Variants in EFCAB7 observed in about 807,000 individuals in gnomAD.
EFCAB7 encodes the protein EF-hand calcium-binding domain-containing protein 7.
EFCAB7 carries 66 observed loss-of-function variants against 77.1 expected under a neutral mutation model. That is an observed-to-expected ratio of 0.86 (90% CI 0.70 to 1.05). The LOEUF is 1.05. Among genes scored for constraint, EFCAB7 ranks in the 50% least tolerant of loss-of-function variants. The pLI, the probability that EFCAB7 is intolerant of heterozygous loss-of-function variation, is 0.00. For synonymous variants in EFCAB7, 225 were observed against 243.3 expected, an observed-to-expected ratio of 0.92 and a Z score of 0.70; for missense variants, 638 against 730.5, an observed-to-expected ratio of 0.87 and a Z score of 1.46.
intron 2 of EFCAB7, among the ~76,000 whole-genome samples, chr1:63,528,472 G>A (rs1646635538): frequency 6.6e-6 from 1 of 151,868 alleles, no homozygotes; most frequent in Non-Finnish European, 1.5e-5. Context: ...ATAGAAAATA[G>A]AAAAATAGAA....
the EFCAB7 span, among the ~76,000 whole-genome samples, chr1:63,579,739 T>C: frequency 6.6e-6 from 1 of 152,202 alleles, no homozygotes; most frequent in Non-Finnish European, 1.5e-5. Context: ...TTTTAGCCAT[T>C]ATAATAGATG....
intron 13 of EFCAB7, 54 bp from the exon 14 acceptor site, chr1:63,572,388 C>T: frequency 3.4e-6 from 5 of 1,453,974 alleles, no homozygotes; most frequent in Non-Finnish European, 1.9e-6. Flanking sequence ...TAAAAATTAG[C>T]CAAAAGTAAC....
At chr1:63,546,902 T>C (rs1482227616) in intron 7 of EFCAB7, among the ~76,000 whole-genome samples, 1 of 152,222 alleles carries the variant, frequency 6.6e-6, no homozygotes, top group Admixed American at 6.5e-5. Flanking sequence ...AAAATGGTTA[T>C]GTAATTTTTA....
At chr1:63,560,962 T>TC (rs1379335365) in intron 10 of EFCAB7, among the ~76,000 whole-genome samples, 3 of 152,224 alleles carry the variant, frequency 2.0e-5, no homozygotes, top group Admixed American at 6.5e-5. Context: ...TAGATGGAAG[T>TC]TAGGAAATAA....
At chr1:63,527,902 AGAT>A (rs1317219574) in intron 2 of EFCAB7, 1 of 152,216 alleles carries the variant, frequency 6.6e-6, no homozygotes, top group Non-Finnish European at 1.5e-5. Context: ...ACTGAACAGA[AGAT>A]ATAATTTTCT....
chr1:63,551,702 T>G, intron 7 of EFCAB7, 23 bp from the exon 8 acceptor site: 1 of 1,343,882 alleles, frequency 7.4e-7, no homozygotes, highest in Non-Finnish European at 1.0e-6. Context: ...TTAAGGTGTT[T>G]GGGCTTTTTT....
At chr1:63,583,328 A>G in the EFCAB7 span, among the ~76,000 whole-genome samples, 1 of 152,208 alleles carries the variant, frequency 6.6e-6, no homozygotes, top group Non-Finnish European at 1.5e-5. Flanking sequence ...GGGAAAAGAT[A>G]AACACCAGCT....
chr1:63,559,847 C>T (rs1647074379), intron 10 of EFCAB7, among the ~76,000 whole-genome samples: 1 of 152,138 alleles, frequency 6.6e-6, no homozygotes, highest in Non-Finnish European at 1.5e-5. Flanking sequence ...TTATGTCGGT[C>T]TATTTCTGGG....
At position 63,545,945 on chromosome 1, in the gene EFCAB7, C is replaced by T; in HGVS notation, c.834C>T (p.Cys278=). Residue 278 remains cysteine, a synonymous_variant, in exon 7 of 14, where the codon TGC becomes TGT. Coordinates refer to ENST00000371088, the MANE Select transcript of EFCAB7 (RefSeq NM_032437.4). Reference sequence around the variant, plus strand: ...GGCAACACATGCAATCAAAAGGTTGCTTCTTCTTAGAAGAAGATGGTGAAA... The same window carrying T: ...GGCAACACATGCAATCAAAAGGTTGTTTCTTCTTAGAAGAAGATGGTGAAA... ...KDWQHMQSKG[C]FFLEEDGEII... is the part of the protein sequence containing the mutation. 6.2e-7 allele frequency: 1 copy of T among 1,613,744 alleles called. No individual in the cohort carries two copies. The highest frequency in any genetic ancestry group is 8.5e-7 in the Non-Finnish European group (1 of 1,179,888).
chr1:63,534,304 C>G (rs1357196306), intron 6 of EFCAB7, 88 bp downstream of exon 6: 1 of 1,150,860 alleles, frequency 8.7e-7, no homozygotes, highest in South Asian at 1.9e-5. Flanking sequence ...TACAGGGAAC[C>G]AGTAAAGTTT....
chr1:63,550,828 T>C (rs1167729145), intron 7 of EFCAB7, among the ~76,000 whole-genome samples: 4 of 151,576 alleles, frequency 2.6e-5, no homozygotes, highest in Admixed American at 6.6e-5. Context: ...TTGGTCTTGG[T>C]ATGTGAGAAA....
At chr1:63,539,641 T>G (rs555238887) in intron 6 of EFCAB7, among the ~76,000 whole-genome samples, 210 of 152,316 alleles carry the variant, frequency 1.4e-3, no homozygotes, top group African/African-American at 5.0e-3. Context: ...TTTTTCAGAC[T>G]TTTTTGTCAA....
chr1:63,527,179 C>T (rs1646607943), intron 2 of EFCAB7, among the ~76,000 whole-genome samples: 1 of 152,166 alleles, frequency 6.6e-6, no homozygotes, highest in Non-Finnish European at 1.5e-5. Flanking sequence ...AAAAGTTTAA[C>T]ATGCCTTCCA....
chr1:63,536,409 G>A (rs1356481172), intron 6 of EFCAB7, among the ~76,000 whole-genome samples: 1 of 151,970 alleles, frequency 6.6e-6, no homozygotes, highest in African/African-American at 2.4e-5. Flanking sequence ...TAAGACAAGA[G>A]TTTCACTCTG....
intron 12 of EFCAB7, chr1:63,569,593 G>GT (rs68036818): frequency 0.051 from 7,819 of 152,288 alleles, 342 homozygotes; most frequent in East Asian, 0.13. Context: ...GGGAAACAGT[G>GT]TAAGGCGAAA....
chr1:63,574,740 T>G (rs1015095367), downstream of EFCAB7, among the ~76,000 whole-genome samples: 2 of 152,162 alleles, frequency 1.3e-5, no homozygotes, highest in Non-Finnish European at 2.9e-5. Flanking sequence ...GACCCTTGCA[T>G]AGTGAGGAAA....
At chr1:63,555,300 A>C in intron 8 of EFCAB7, 58 bp from the exon 9 acceptor site, 1 of 1,509,690 alleles carries the variant, frequency 6.6e-7, no homozygotes. Flanking sequence ...AAAGCTTTAA[A>C]TTAAAAGATG....
chr1:63,545,824 C>A, intron 6 of EFCAB7, 92 bp from the exon 7 acceptor site: 1 of 1,062,942 alleles, frequency 9.4e-7, no homozygotes, highest in Non-Finnish European at 1.4e-6. Context: ...TTTGACATTT[C>A]TTTTATATCC....
chr1:63,581,405 A>G, the EFCAB7 span, among the ~76,000 whole-genome samples: 9 of 132,304 alleles, frequency 6.8e-5, no homozygotes, highest in Admixed American at 3.1e-4. Context: ...AAAAAAAAAA[A>G]GGGTGGATGC....
Sources: allele counts gnomAD v4.1 joint callset (sites outside exome capture counted in the v4.1 genomes callset), GRCh38; gene constraint gnomAD v4.1.1; transcripts MANE v1.5; gene names NCBI Gene and HGNC (gene_info 2026-07-23, HGNC 2026-07-21).